The following UBXN2A variants were observed in gnomAD, a reference collection of about 807,000 sequenced individuals.
The protein encoded by UBXN2A is UBX domain protein 2A.
Under a neutral mutation model 28.4 loss-of-function variants are expected in UBXN2A, and 28 were observed. The observed-to-expected ratio is 0.99, with a 90% CI of 0.73 to 1.35. UBXN2A has a LOEUF of 1.35. Ranked by LOEUF, UBXN2A falls within the 40% of genes most tolerant of loss-of-function variation. The probability of loss-of-function intolerance (pLI) is 0.00; values close to 1 mark genes in which losing one functional copy is unlikely to be tolerated. For missense variants in UBXN2A, 253 were observed against 297.9 expected (o/e 0.85, Z 1.11); for synonymous variants, 97 against 103.6 (o/e 0.94, Z 0.39).
In UBXN2A at chr2:24,000,088, A is replaced by G. The variant is rs2150928187; in HGVS notation, c.*221A>G. 1 of 490,406 alleles carries G rather than the reference A, an allele frequency of 2.0e-6. No homozygotes were observed. Among genetic ancestry groups the G allele is most frequent in the Middle Eastern group, 5.4e-4 (1 of 1,858 alleles). The allele number at this position is 490,406 out of a possible 1,614,324, so 30.4% of individuals were successfully genotyped here. ...ACTTTCTCCAAAAGACTACCCAGAA[A>G]AATAGACTTATTTTCAAATACCAGT... is the stretch of plus-strand genomic sequence containing the variant. On this transcript the variant is annotated 3_prime_UTR_variant, in exon 7 of 7. Transcript: ENST00000309033.
In UBXN2A at chr2:23,965,757, A is replaced by G. The variant is rs114146944; in HGVS notation, c.42-5519A>G. Among the ~76,000 whole-genome samples, 62 of 152,222 alleles carry G rather than the reference A, an allele frequency of 4.1e-4. 1 individual carries two copies. The highest frequency in any genetic ancestry group is 1.2e-3 in the African/African-American group (50 of 41,534). ...AGTTAGAAGTATTCCCTCTGCTTCT[A>G]TTTTCTGGAAGAGATTATAGAGAAT... is the stretch of plus-strand genomic sequence containing the variant. On this transcript the variant is annotated intron_variant, in intron 2 of 6. Transcript: ENST00000309033.
chr2:23,985,650 A>G (rs1442352208), intron 6 of UBXN2A, among the ~76,000 whole-genome samples: 3 of 145,886 alleles, frequency 2.1e-5, no homozygotes, highest in African/African-American at 7.6e-5. Context: ...CCCAGGCTGG[A>G]GTAGAGTGGC....
intron 6 of UBXN2A, 131 bp downstream of exon 6, chr2:23,984,962 C>T: frequency 1.1e-6 from 1 of 937,758 alleles, no homozygotes. Context: ...AGTGCAGTGG[C>T]ACAGTCATAG....
chr2:23,949,898 A>G (rs1706278413), intron 1 of UBXN2A, among the ~76,000 whole-genome samples: 1 of 152,030 alleles, frequency 6.6e-6, no homozygotes, highest in South Asian at 2.1e-4. Context: ...TTATTTGTAT[A>G]AATGTGTGGG....
chr2:23,948,016 G>A (rs568048437), intron 1 of UBXN2A, among the ~76,000 whole-genome samples: 4 of 151,782 alleles, frequency 2.6e-5, no homozygotes, highest in South Asian at 2.1e-4. Context: ...CACCATGCAC[G>A]GCTAATTTTT....
At chr2:23,987,423 A>G (rs1334981575) in intron 6 of UBXN2A, among the ~76,000 whole-genome samples, 1 of 152,188 alleles carries the variant, frequency 6.6e-6, no homozygotes, top group Admixed American at 6.5e-5. Context: ...GTATTGCTAA[A>G]ATAGACTAAA....
chr2:23,940,321 G>T (rs1189018328), upstream of UBXN2A: 5 of 151,912 alleles, frequency 3.3e-5, no homozygotes, highest in Non-Finnish European at 7.4e-5. Context: ...CTAGCCGCCG[G>T]GCCAGTGGTG....
chr2:23,949,704 G>A (rs904577387), intron 1 of UBXN2A, among the ~76,000 whole-genome samples: 1 of 151,382 alleles, frequency 6.6e-6, no homozygotes, highest in African/African-American at 2.4e-5. Flanking sequence ...GTGAAACGCT[G>A]TCTCTACTAA....
chr2:23,971,073 G>A (rs1707393333), intron 2 of UBXN2A, among the ~76,000 whole-genome samples: 1 of 152,164 alleles, frequency 6.6e-6, no homozygotes, highest in African/African-American at 2.4e-5. Flanking sequence ...ATTTCTAAAT[G>A]TTAGTAGAGC....
intron 1 of UBXN2A, among the ~76,000 whole-genome samples, chr2:23,945,847 A>G (rs1255070742): frequency 6.9e-6 from 1 of 144,288 alleles, no homozygotes; most frequent in African/African-American, 2.6e-5. Flanking sequence ...TTTTTTTGAG[A>G]CAGGGTCTCA....
chr2:23,937,809 G>A (rs576483064), upstream of UBXN2A, among the ~76,000 whole-genome samples: 18 of 152,228 alleles, frequency 1.2e-4, 1 homozygote, highest in South Asian at 3.3e-3. Flanking sequence ...GAAATGTGTC[G>A]TGTAAGTGAA....
intron 1 of UBXN2A, among the ~76,000 whole-genome samples, chr2:23,932,109 G>C (rs1705387888): frequency 6.6e-6 from 1 of 151,988 alleles, no homozygotes; most frequent in African/African-American, 2.4e-5. Flanking sequence ...CATGAGGTCA[G>C]GAGTTCGAGA....
At chr2:23,959,169 A>G (rs370961486) in intron 2 of UBXN2A, among the ~76,000 whole-genome samples, 4 of 152,204 alleles carry the variant, frequency 2.6e-5, no homozygotes, top group South Asian at 4.1e-4. Flanking sequence ...TTATAGGCTT[A>G]TATAAATATT....
intron 1 of UBXN2A, among the ~76,000 whole-genome samples, chr2:23,931,843 T>A (rs1705376966): frequency 1.3e-5 from 2 of 152,002 alleles, no homozygotes; most frequent in South Asian, 4.1e-4. Flanking sequence ...AAACCCCGTC[T>A]CTACTACAGA....
At chr2:23,986,860 G>A (rs967210974) in intron 6 of UBXN2A, among the ~76,000 whole-genome samples, 3 of 152,048 alleles carry the variant, frequency 2.0e-5, no homozygotes, top group African/African-American at 7.2e-5. Context: ...CACCCACCTC[G>A]GCCTCCCAAG....
At chr2:23,954,754 A>G (rs1389465495) in intron 1 of UBXN2A, among the ~76,000 whole-genome samples, 1 of 144,928 alleles carries the variant, frequency 6.9e-6, no homozygotes, top group East Asian at 2.0e-4. Flanking sequence ...ATTTTTGCAT[A>G]TCTTTTTTTT....
chr2:23,927,278 G>A (rs1383312011), upstream of UBXN2A: 3 of 152,510 alleles, frequency 2.0e-5, no homozygotes, highest in African/African-American at 4.8e-5. Flanking sequence ...TCAGCTCGGT[G>A]GTTTCCAGCT....
At chr2:23,951,447 T>TATATATATAG (rs1558283331) in intron 1 of UBXN2A, among the ~76,000 whole-genome samples, 1 of 134,462 alleles carries the variant, frequency 7.4e-6, no homozygotes, top group African/African-American at 2.8e-5. Context: ...TATATATATA[T>TATATATATAG]ATATATATAT....
At chr2:23,977,957 G>A (rs1435950075) in intron 4 of UBXN2A, among the ~76,000 whole-genome samples, 1 of 151,858 alleles carries the variant, frequency 6.6e-6, no homozygotes, top group African/African-American at 2.4e-5. Context: ...TCAGCCTCCC[G>A]AGTAGCTGAG....
Sources: allele counts gnomAD v4.1 joint callset (sites outside exome capture counted in the v4.1 genomes callset), GRCh38; gene constraint gnomAD v4.1.1; transcripts MANE v1.5; gene names NCBI Gene and HGNC (gene_info 2026-07-23, HGNC 2026-07-21).